Variants in DPP6 observed in about 807,000 individuals in gnomAD.
DPP6 encodes A-type potassium channel modulatory protein DPP6.
A neutral mutation model predicts 122.6 loss-of-function variants in DPP6; 69 were observed. That is an observed-to-expected ratio of 0.56 (90% confidence interval 0.46 to 0.69). The LOEUF (loss-of-function observed/expected upper bound fraction) is 0.69. Ranked by LOEUF, DPP6 falls within the 30% of genes least tolerant of loss-of-function variation. The pLI is 0.00. For synonymous variants in DPP6, 418 were observed against 433.1 expected (o/e 0.97, Z 0.43); for missense variants, 928 against 1,116.9 (o/e 0.83, Z 2.41).
the DPP6 span, among the ~76,000 whole-genome samples, chr7:153,792,777 A>G: frequency 6.6e-6 from 1 of 151,546 alleles, no homozygotes; most frequent in Non-Finnish European, 1.5e-5. Context: ...CTTGAATTGT[A>G]TCTCCCAGAA....
In DPP6 at chr7:153,903,900, G is replaced by A. The variant is rs143135054; in HGVS notation, c.51+16166G>A. 3.3e-4 allele frequency among the ~76,000 whole-genome samples: 51 copies of A among 152,298 alleles called. No homozygotes were observed. The East Asian group carries it at 9.1e-3, about 27-fold the overall frequency. The stretch of plus-strand genomic sequence containing the variant: ...CTGTCTCCTACAGAAGCAGGAAGAG[G>A]ACTGAGGGTTGAGGGACTTTTGGTG... On this transcript the variant is annotated intron_variant, in intron 1 of 25. Transcript: ENST00000404039.
intron 7 of DPP6, among the ~76,000 whole-genome samples, chr7:154,673,842 A>G (rs1003139447): frequency 6.6e-6 from 1 of 151,624 alleles, no homozygotes; most frequent in African/African-American, 2.4e-5. Flanking sequence ...TCCTCTTCAG[A>G]TGAATCTGCC....
At chr7:154,006,611 C>T (rs536309810) in intron 1 of DPP6, among the ~76,000 whole-genome samples, 14 of 152,248 alleles carry the variant, frequency 9.2e-5, no homozygotes, top group African/African-American at 3.1e-4. Context: ...GAGCTCTGCA[C>T]GGACAGCTGG....
rs144178191 is a variant in DPP6 at position 154,878,175 on chromosome 7, G to A, written c.2078+2075G>A. On this transcript the variant is annotated intron_variant, in intron 20 of 25. Transcript: ENST00000377770. The stretch of plus-strand genomic sequence containing the variant: ...TCCCCGCCATCAAGGGCAGGCCCAG[G>A]GGAAAGTCGCAGCACCCTCAGGCTC... 3.4e-3 allele frequency among the ~76,000 whole-genome samples: 522 copies of A among 152,338 alleles called. 3 individuals are homozygous for A. Among genetic ancestry groups the A allele is most frequent in the Admixed American group, 8.4e-3 (128 of 15,312 alleles).
At chr7:154,060,877 G>A (rs1348186116) in intron 1 of DPP6, among the ~76,000 whole-genome samples, 3 of 132,238 alleles carry the variant, frequency 2.3e-5, no homozygotes, top group Non-Finnish European at 3.2e-5. Context: ...ACATCACAGA[G>A]TGGGGAGGCA....
At chr7:153,770,018 A>G in the DPP6 span, among the ~76,000 whole-genome samples, 1 of 152,126 alleles carries the variant, frequency 6.6e-6, no homozygotes, top group Non-Finnish European at 1.5e-5. Context: ...GAATCCAGGC[A>G]TTCACAGGGA....
At chr7:154,411,700 G>C (rs571541512) in intron 1 of DPP6, among the ~76,000 whole-genome samples, 4 of 152,084 alleles carry the variant, frequency 2.6e-5, no homozygotes, top group African/African-American at 9.7e-5. Context: ...TAGGCTCAAC[G>C]ATACTTCTTG....
intron 16 of DPP6, among the ~76,000 whole-genome samples, chr7:154,842,690 G>A (rs1012908575): frequency 1.3e-5 from 2 of 152,018 alleles, no homozygotes; most frequent in African/African-American, 4.8e-5. Context: ...TCCCTTCCAG[G>A]AACAATATAA....
intron 1 of DPP6, among the ~76,000 whole-genome samples, chr7:153,954,967 G>C (rs1190636399): frequency 6.6e-6 from 1 of 152,194 alleles, no homozygotes; most frequent in Non-Finnish European, 1.5e-5. Flanking sequence ...TAAGAAAAAT[G>C]AATGCAAGGT....
chr7:154,215,457 T>C (rs923292180), intron 1 of DPP6, among the ~76,000 whole-genome samples: 6 of 152,320 alleles, frequency 3.9e-5, no homozygotes, highest in African/African-American at 1.4e-4. Flanking sequence ...TGAGAGGCTC[T>C]GTGGTGTGCG....
chr7:154,343,085 G>A (rs1287039017), intron 1 of DPP6, among the ~76,000 whole-genome samples: 1 of 152,176 alleles, frequency 6.6e-6, no homozygotes, highest in African/African-American at 2.4e-5. Context: ...TGCTTCTGGG[G>A]CAAATGGATT....
At chr7:154,418,713 A>G (rs1225773303) in intron 1 of DPP6, among the ~76,000 whole-genome samples, 1 of 152,228 alleles carries the variant, frequency 6.6e-6, no homozygotes. Context: ...TGCTATGTTA[A>G]ATGTTATTTT....
intron 3 of DPP6, among the ~76,000 whole-genome samples, chr7:154,522,827 G>T (rs1207040187): frequency 6.6e-6 from 1 of 152,144 alleles, no homozygotes; most frequent in Non-Finnish European, 1.5e-5. Context: ...ACAATTAGTG[G>T]GTGTTATGGG....
intron 1 of DPP6, among the ~76,000 whole-genome samples, chr7:154,316,859 C>T (rs1417669016): frequency 6.6e-6 from 1 of 152,136 alleles, no homozygotes; most frequent in Non-Finnish European, 1.5e-5. Flanking sequence ...GGAGAAGGAG[C>T]ACCAGCCTGG....
chr7:154,773,078 T>G, intron 10 of DPP6, 136 bp downstream of exon 10: 1 of 1,171,260 alleles, frequency 8.5e-7, no homozygotes, highest in East Asian at 2.8e-5. Flanking sequence ...TCCTAAAGAT[T>G]TCCTCACTGC....
intron 7 of DPP6, among the ~76,000 whole-genome samples, chr7:154,670,007 A>G (rs988330840): frequency 2.0e-5 from 3 of 151,808 alleles, no homozygotes; most frequent in African/African-American, 4.8e-5. Flanking sequence ...TCACAGGCGT[A>G]CTCCACCACA....
At chr7:154,254,945 TTCCTTTGC>T in intron 1 of DPP6, among the ~76,000 whole-genome samples, 1 of 152,236 alleles carries the variant, frequency 6.6e-6, no homozygotes, top group South Asian at 2.1e-4. Context: ...CAAATTGTAT[TTCCTTTGC>T]AATTTGCAAA....
chr7:153,867,443 C>T, the DPP6 span, among the ~76,000 whole-genome samples: 56 of 151,872 alleles, frequency 3.7e-4, no homozygotes, highest in African/African-American at 1.2e-3. Flanking sequence ...ATGATTTGGC[C>T]CTCTGTTTGT....
At chr7:153,827,316 T>C in the DPP6 span, among the ~76,000 whole-genome samples, 1 of 152,332 alleles carries the variant, frequency 6.6e-6, no homozygotes, top group African/African-American at 2.4e-5. Flanking sequence ...TTAAAGTTTA[T>C]GTCATATGTT....
Sources: gnomAD v4.1 joint callset for allele counts (sites outside exome capture counted in the v4.1 genomes callset) on GRCh38, gnomAD v4.1.1 for gene constraint, MANE v1.5 for transcripts, NCBI Gene and HGNC (gene_info 2026-07-23, HGNC 2026-07-21) for gene names.